The following LRRC7 variants were observed in gnomAD, a reference collection of about 807,000 sequenced individuals.
The protein encoded by LRRC7 is leucine rich repeat containing 7.
In LRRC7, 23 loss-of-function variants were observed where a neutral mutation model predicts 175.7. The ratio of observed to expected loss-of-function variants is 0.13; its 90% CI spans 0.09 to 0.19. The LOEUF (loss-of-function observed/expected upper bound fraction) is 0.19, where lower values mean the gene tolerates loss of function less well. Among genes scored for constraint, LRRC7 ranks in the 10% least tolerant of loss-of-function variants. LRRC7 has a pLI of 1.00. For missense variants in LRRC7, 1,354 were observed against 1,904.7 expected, an observed-to-expected ratio of 0.71 and a Z score of 5.38; for synonymous variants, 685 against 680.9, an observed-to-expected ratio of 1.01 and a Z score of -0.09.
intron 3 of LRRC7, among the ~76,000 whole-genome samples, chr1:69,762,754 G>T (rs1342794591): frequency 1.3e-5 from 2 of 152,058 alleles, no homozygotes; most frequent in East Asian, 3.9e-4. Context: ...AAGATATTTT[G>T]TCTGTTTGGT....
chr1:69,592,423 GA>G (rs1165403871), intron 1 of LRRC7, among the ~76,000 whole-genome samples: 1 of 151,760 alleles, frequency 6.6e-6, no homozygotes, highest in Non-Finnish European at 1.5e-5. Context: ...TTTTTTACTC[GA>G]AAAAAGCTGA....
At chr1:69,696,017 C>A (rs1432730639) in intron 2 of LRRC7, among the ~76,000 whole-genome samples, 2 of 152,204 alleles carry the variant, frequency 1.3e-5, no homozygotes, top group Non-Finnish European at 2.9e-5. Context: ...TGGAGCACTG[C>A]CTAGTGGAGC....
chr1:69,753,584 A>T (rs760536240), intron 2 of LRRC7, among the ~76,000 whole-genome samples: 2 of 152,074 alleles, frequency 1.3e-5, no homozygotes, highest in Non-Finnish European at 2.9e-5. Context: ...ACGGTGACAG[A>T]TTGTAAATTG....
intron 7 of LRRC7, among the ~76,000 whole-genome samples, chr1:69,882,506 C>G (rs547623593): frequency 1.4e-4 from 21 of 151,936 alleles, no homozygotes; most frequent in African/African-American, 4.6e-4. Flanking sequence ...TATATATGTA[C>G]ATACCTACAC....
chr1:69,718,274 G>T (rs1046207890), intron 2 of LRRC7, among the ~76,000 whole-genome samples: 19 of 151,906 alleles, frequency 1.3e-4, no homozygotes, highest in Middle Eastern at 3.4e-3. Context: ...ATGGCTTGTT[G>T]TAAGCCAGTC....
rs1666654619 is a variant in LRRC7, at chr1:70,131,320, C to A, written c.*9433C>A. Among the ~76,000 whole-genome samples, 1 of 152,204 alleles carries A rather than the reference C, an allele frequency of 6.6e-6. No homozygotes were observed. The highest frequency in any genetic ancestry group is 2.4e-5 in the African/African-American group (1 of 41,452). ...ACAAAAATGATATCTAACTGGGAAT[C>A]TAATGATATCTAAGACCCCCAGGTT... On this transcript the variant is annotated 3_prime_UTR_variant, in exon 27 of 27. Transcript: ENST00000651989.
intron 14 of LRRC7, among the ~76,000 whole-genome samples, chr1:70,018,087 A>T (rs543319064): frequency 6.6e-6 from 1 of 152,084 alleles, no homozygotes; most frequent in Non-Finnish European, 1.5e-5. Context: ...ATTAGATAAT[A>T]TCATTTCCAA....
chr1:69,688,042 A>C (rs1661397233), intron 2 of LRRC7, among the ~76,000 whole-genome samples: 1 of 152,096 alleles, frequency 6.6e-6, no homozygotes, highest in South Asian at 2.1e-4. Context: ...CTTTTTAACT[A>C]CCTCTTCTTT....
Position 70,128,801 on chromosome 1 carries a change from T to C in LRRC7, c.*6914T>C, listed in dbSNP as rs917952888. 2 of 151,974 alleles carry C rather than the reference T, an allele frequency of 1.3e-5. No homozygotes were observed. The highest frequency in any genetic ancestry group is 4.8e-5 in the African/African-American group (2 of 41,352). The allele number at this position is 151,974 out of a possible 1,614,324, so 9.4% of individuals were successfully genotyped here. A position where few individuals can be genotyped will look rare whatever the true frequency, so the allele number is the denominator to read the frequency against. ...AGACAGTACAAGGCAATGTGGTGAG[T>C]CCCTTTATTCCTGCCCTCAACCATC... On this transcript the variant is annotated 3_prime_UTR_variant, in exon 27 of 27. Transcript: ENST00000651989.
intron 2 of LRRC7, among the ~76,000 whole-genome samples, chr1:69,709,911 T>A (rs1664531470): frequency 6.6e-6 from 1 of 152,192 alleles, no homozygotes; most frequent in African/African-American, 2.4e-5. Context: ...TATTGATTTA[T>A]ACAACTATGT....
rs116454931 is a variant in LRRC7 at position 70,075,825 on chromosome 1, A to G, written c.4231-252A>G. Among the ~76,000 whole-genome samples the G allele has an allele frequency of 3.9e-3, 587 of 152,264 alleles. 4 individuals are homozygous for G. Among genetic ancestry groups the G allele is most frequent in the African/African-American group, 0.013 (555 of 41,544 alleles). On this transcript the variant is annotated intron_variant, in intron 23 of 26. Coordinates refer to ENST00000651989, the MANE Select transcript of LRRC7 (RefSeq NM_001370785.2). ...TTCAAACTGAATTTTCTTCCTTTAA[A>G]GTGAGGTTAAAATTATCTCTGGCAA...
At chr1:70,072,423 T>A (rs1662455042) in intron 23 of LRRC7, among the ~76,000 whole-genome samples, 1 of 152,226 alleles carries the variant, frequency 6.6e-6, no homozygotes, top group Non-Finnish European at 1.5e-5. Flanking sequence ...AACAACTTCC[T>A]CTTTACAGTC....
At chr1:69,732,910 A>G (rs763002811) in intron 2 of LRRC7, among the ~76,000 whole-genome samples, 7 of 152,060 alleles carry the variant, frequency 4.6e-5, no homozygotes, top group Non-Finnish European at 1.0e-4. Flanking sequence ...GAAGGTGGGA[A>G]TTAATCAGTG....
At chr1:70,008,645 C>T (rs1462272656) in intron 11 of LRRC7, among the ~76,000 whole-genome samples, 1 of 152,096 alleles carries the variant, frequency 6.6e-6, no homozygotes, top group Non-Finnish European at 1.5e-5. Context: ...TGACGTTTTC[C>T]TTGGTGGTAT....
At chr1:70,044,829 G>C (rs781687092) in intron 22 of LRRC7, among the ~76,000 whole-genome samples, 1 of 152,108 alleles carries the variant, frequency 6.6e-6, no homozygotes, top group Non-Finnish European at 1.5e-5. Context: ...TTCTGTCTTA[G>C]TTACATTTTA....
intron 7 of LRRC7, among the ~76,000 whole-genome samples, chr1:69,913,121 T>C (rs1646583136): frequency 2.0e-5 from 3 of 152,182 alleles, no homozygotes; most frequent in African/African-American, 7.2e-5. Context: ...TAATGCAAAT[T>C]ATATATTTTC....
intron 1 of LRRC7, among the ~76,000 whole-genome samples, chr1:69,673,424 C>T (rs1659369804): frequency 6.6e-6 from 1 of 152,178 alleles, no homozygotes; most frequent in African/African-American, 2.4e-5. Flanking sequence ...GTTGTTAGAG[C>T]ATCTGTCTCA....
intron 2 of LRRC7, among the ~76,000 whole-genome samples, chr1:69,681,320 A>G (rs1660463484): frequency 6.6e-6 from 1 of 152,180 alleles, no homozygotes; most frequent in African/African-American, 2.4e-5. Context: ...CTGCACTAAG[A>G]ATTGAAAGGA....
chr1:69,900,921 A>G (rs763740523), intron 7 of LRRC7, among the ~76,000 whole-genome samples: 2 of 152,202 alleles, frequency 1.3e-5, no homozygotes, highest in African/African-American at 4.8e-5. Flanking sequence ...TCATTTAGCC[A>G]CTATAAATAG....
Sources: gnomAD v4.1 joint callset for allele counts (sites outside exome capture counted in the v4.1 genomes callset) on GRCh38, gnomAD v4.1.1 for gene constraint, MANE v1.5 for transcripts, NCBI Gene and HGNC (gene_info 2026-07-23, HGNC 2026-07-21) for gene names.